RBMS3: variants seen among roughly 807,000 people sequenced by gnomAD.
The protein encoded by RBMS3 is RNA-binding motif, single-stranded-interacting protein 3.
A neutral mutation model predicts 66.8 loss-of-function variants in RBMS3; 27 were observed. The ratio of observed to expected loss-of-function variants is 0.40; its 90% CI spans 0.30 to 0.56. The LOEUF is 0.56. RBMS3 is among the 20% of genes least tolerant of loss of function. The pLI, the probability that RBMS3 is intolerant of heterozygous loss-of-function variation, is 0.40. For missense variants in RBMS3, 513 were observed against 549.5 expected (o/e 0.93, Z 0.66); for synonymous variants, 188 against 183.0 (o/e 1.03, Z -0.22).
chr3:29,882,198 T>G (rs2059752904), intron 7 of RBMS3, among the ~76,000 whole-genome samples: 1 of 152,124 alleles, frequency 6.6e-6, no homozygotes, highest in African/African-American at 2.4e-5. Flanking sequence ...AGCTCCATTC[T>G]GTGTTCAGCC....
At chr3:29,410,322 A>G (rs2040208349) in intron 1 of RBMS3, among the ~76,000 whole-genome samples, 1 of 152,242 alleles carries the variant, frequency 6.6e-6, no homozygotes, top group African/African-American at 2.4e-5. Flanking sequence ...GAAGGCAAGC[A>G]TGAATCAGCA....
intron 1 of RBMS3, among the ~76,000 whole-genome samples, chr3:29,398,820 GAT>G (rs2039673317): frequency 6.7e-6 from 1 of 149,712 alleles, no homozygotes. Flanking sequence ...TTTTATAGTG[GAT>G]CTACACACAA....
intron 3 of RBMS3, among the ~76,000 whole-genome samples, chr3:29,549,644 C>T (rs1383396709): frequency 6.6e-6 from 1 of 152,066 alleles, no homozygotes; most frequent in East Asian, 1.9e-4. Context: ...AGGTGATTCG[C>T]TCGCTTCAGC....
intron 3 of RBMS3, among the ~76,000 whole-genome samples, chr3:29,523,266 G>A (rs112688185): frequency 1.2e-4 from 18 of 152,140 alleles, no homozygotes; most frequent in African/African-American, 3.4e-4. Context: ...TGGGCACGAC[G>A]TAGCAGGTGC....
intron 6 of RBMS3, among the ~76,000 whole-genome samples, chr3:29,778,635 CTGA>C (rs2056510620): frequency 6.6e-6 from 1 of 151,708 alleles, no homozygotes; most frequent in South Asian, 2.1e-4. Flanking sequence ...AGTAAATGGG[CTGA>C]TTGACCCCAG....
chr3:29,460,901 A>G (rs1304583253), intron 2 of RBMS3, among the ~76,000 whole-genome samples: 2 of 152,140 alleles, frequency 1.3e-5, no homozygotes. Context: ...AGTATGACCC[A>G]TCTTAGTTTT....
At chr3:29,991,792 T>C (rs1383695268) in intron 14 of RBMS3, 1 of 152,288 alleles carries the variant, frequency 6.6e-6, no homozygotes, top group Non-Finnish European at 1.5e-5. Context: ...TCCTCACTCT[T>C]AAAGGAAGAC....
At chr3:29,291,621 TA>T (rs1279800426) in intron 1 of RBMS3, among the ~76,000 whole-genome samples, 1 of 151,860 alleles carries the variant, frequency 6.6e-6, no homozygotes, top group Non-Finnish European at 1.5e-5. Flanking sequence ...TTCTATGGCA[TA>T]ATTTTTCTCA....
intron 3 of RBMS3, among the ~76,000 whole-genome samples, chr3:29,568,194 A>G (rs978569332): frequency 1.3e-5 from 2 of 152,210 alleles, no homozygotes; most frequent in African/African-American, 4.8e-5. Flanking sequence ...TGTAGGGCCA[A>G]TTTGAACTTA....
chr3:29,755,476 A>C (rs2055368569), intron 5 of RBMS3, among the ~76,000 whole-genome samples: 1 of 152,224 alleles, frequency 6.6e-6, no homozygotes, highest in Admixed American at 6.5e-5. Flanking sequence ...TACTGAAGAA[A>C]ATTAAGGAGT....
chr3:29,957,483 T>C (rs1385969145), intron 12 of RBMS3, among the ~76,000 whole-genome samples: 1 of 152,074 alleles, frequency 6.6e-6, no homozygotes, highest in East Asian at 1.9e-4. Flanking sequence ...AATGAACAAC[T>C]AAGTGCAGAG....
chr3:29,960,754 ACT>A (rs1486051968), intron 12 of RBMS3, among the ~76,000 whole-genome samples: 1 of 151,890 alleles, frequency 6.6e-6, no homozygotes, highest in Non-Finnish European at 1.5e-5. Context: ...TGGGGCTTGC[ACT>A]CTCTGAAGCC....
intron 14 of RBMS3, among the ~76,000 whole-genome samples, chr3:29,995,135 T>A (rs1699133686): frequency 6.6e-6 from 1 of 152,046 alleles, no homozygotes; most frequent in African/African-American, 2.4e-5. Context: ...TGCAGAAGCC[T>A]CAGGAGCCGA....
At position 29,305,811 on chromosome 3, in the gene RBMS3, G is replaced by A. The variant is rs144442880; in HGVS notation, c.75+24055G>A. Among the ~76,000 whole-genome samples the A allele has an allele frequency of 5.4e-3, 824 of 152,088 alleles. 2 individuals are homozygous for A. Among genetic ancestry groups the A allele is most frequent in the Non-Finnish European group, 9.5e-3 (643 of 67,942 alleles). ...TGATACTTATGCACATGCTCTTTAA[G>A]CAAAGTGATTTTCCAGAGGAAATTG... On this transcript the variant is annotated intron_variant, in intron 1 of 14. Transcript: ENST00000383767.
chr3:29,505,190 G>A (rs957663048), intron 3 of RBMS3, among the ~76,000 whole-genome samples: 2 of 151,894 alleles, frequency 1.3e-5, no homozygotes, highest in African/African-American at 4.8e-5. Flanking sequence ...ATAGTTTCAG[G>A]TCTTATATTT....
chr3:29,989,000 T>G (rs756455765), intron 13 of RBMS3, among the ~76,000 whole-genome samples: 2 of 152,098 alleles, frequency 1.3e-5, no homozygotes, highest in Non-Finnish European at 1.5e-5. Flanking sequence ...GATTATGATT[T>G]ATTTGTCTGG....
intron 10 of RBMS3, among the ~76,000 whole-genome samples, chr3:29,917,964 A>G (rs770602337): frequency 2.0e-5 from 3 of 152,160 alleles, no homozygotes; most frequent in Non-Finnish European, 4.4e-5. Context: ...TGAGGCAATT[A>G]TATAATATTG....
chr3:29,799,517 C>T (rs985700057), intron 6 of RBMS3, among the ~76,000 whole-genome samples: 2 of 152,116 alleles, frequency 1.3e-5, no homozygotes, highest in African/African-American at 2.4e-5. Flanking sequence ...GACTTTTACT[C>T]CAAGTCAATT....
chr3:29,934,235 T>C (rs1273104185), intron 10 of RBMS3: 1 of 152,020 alleles, frequency 6.6e-6, no homozygotes, highest in East Asian at 1.9e-4. Flanking sequence ...ATAACCTGTC[T>C]TGAGTTCAAG....
Sources: gnomAD v4.1 joint callset for allele counts (sites outside exome capture counted in the v4.1 genomes callset) on GRCh38, gnomAD v4.1.1 for gene constraint, MANE v1.5 for transcripts, NCBI Gene and HGNC (gene_info 2026-07-23, HGNC 2026-07-21) for gene names.